The following GRM4 variants were observed in gnomAD, a reference collection of about 807,000 sequenced individuals.
The protein encoded by GRM4 is metabotropic glutamate receptor 4.
In GRM4, 28 loss-of-function variants were observed where a neutral mutation model predicts 81.7. The ratio of observed to expected loss-of-function variants is 0.34; its 90% CI spans 0.25 to 0.47. The LOEUF is 0.47. GRM4 is among the 20% of genes least tolerant of loss of function. The pLI is 1.00. For synonymous variants in GRM4, 488 were observed against 528.8 expected (o/e 0.92, Z 1.06); for missense variants, 948 against 1,290.0 (o/e 0.73, Z 4.06).
intron 2 of GRM4, among the ~76,000 whole-genome samples, chr6:34,127,919 G>A (rs11961715): frequency 0.088 from 13,357 of 152,114 alleles, 1,147 homozygotes; most frequent in African/African-American, 0.22. Flanking sequence ...CTAAGACAGT[G>A]TTCCCCCAGG....
rs1292910706 is a variant in GRM4, at chr6:34,042,227, T to C, written c.1169-1479A>G. Among the ~76,000 whole-genome samples the C allele has an allele frequency of 1.3e-5, 2 of 152,102 alleles. No homozygotes were observed. The highest frequency in any genetic ancestry group is 4.8e-5 in the African/African-American group (2 of 41,422). ...CTTGCAGTGAGCTGAGATTGCACCA[T>C]TGCACTCCAGCCTGAGCGACAGAGT... On this transcript the variant is annotated intron_variant, in intron 6 of 10. Coordinates refer to ENST00000538487, the MANE Select transcript of GRM4 (RefSeq NM_000841.4). The surrounding 1 kb of genome is among the most constrained non-coding windows in gnomAD (Gnocchi z 4.2).
chr6:34,066,133 G>A (rs1206843636), intron 3 of GRM4, among the ~76,000 whole-genome samples: 3 of 152,048 alleles, frequency 2.0e-5, no homozygotes, highest in Non-Finnish European at 2.9e-5. Context: ...AGAACCACAC[G>A]GCAGCGTCTA....
rs1311589332 is a variant in GRM4 at position 34,133,370 on chromosome 6, T to C, written c.127A>G (p.Ile43Val). The change falls in exon 2 of 11, where the codon ATC becomes GTC. Residue 43 changes from isoleucine to valine, a missense_variant. Coordinates refer to ENST00000538487, the MANE Select transcript of GRM4 (RefSeq NM_000841.4). This position sits in a 1 kb window ranked among gnomAD's most constrained non-coding sequence, Gnocchi z 6.5. ...AGTGTGATGTCCCCATCTATGCGGATGGAATTCATGTGAGGGTGGCCTTTG... is the reference window on the plus strand; with the variant it reads ...AGTGTGATGTCCCCATCTATGCGGACGGAATTCATGTGAGGGTGGCCTTTG... ...KPKGHPHMNS[I>V]RIDGDITLGG... 1.2e-6 allele frequency: 2 copies of C among 1,613,802 alleles called. No individual in the cohort carries two copies. The highest frequency in any genetic ancestry group is 1.7e-6 in the Non-Finnish European group (2 of 1,179,974).
Position 34,059,415 on chromosome 6 carries a change from A to C in GRM4, c.873-287T>G. On this transcript the variant is annotated intron_variant, in intron 4 of 10. Transcript: ENST00000538487. This position sits in a 1 kb window ranked among gnomAD's most constrained non-coding sequence, Gnocchi z 5.7. Reference sequence around the variant, plus strand: ...GCCTACATCTGTCCCTGCAAAGACCACACCTCTCCCCTCCAGATCCACACC... The same window carrying C: ...GCCTACATCTGTCCCTGCAAAGACCCCACCTCTCCCCTCCAGATCCACACC... The C allele has an allele frequency of 2.2e-6, 1 of 456,938 alleles. No individual in the cohort carries two copies. Among genetic ancestry groups the C allele is most frequent in the African/African-American group, 2.0e-5 (1 of 50,708 alleles). The allele number at this position is 456,938 out of a possible 1,614,324, so 28.3% of individuals were successfully genotyped here. A position where few individuals can be genotyped will look rare whatever the true frequency, so the allele number is the denominator to read the frequency against.
chr6:34,078,277 C>G lies in GRM4; in HGVS notation c.736+13606G>C, dbSNP rs1310099883. ...CTCCTGCCCACCTTCTGCTTCTTCT[C>G]TGTCTCCCCCCAAATACACACTCTC... is the stretch of plus-strand genomic sequence containing the variant. On this transcript the variant is annotated intron_variant, in intron 3 of 10. Coordinates refer to ENST00000538487, the MANE Select transcript of GRM4 (RefSeq NM_000841.4). This position sits in a 1 kb window ranked among gnomAD's most constrained non-coding sequence, Gnocchi z 4.8. Among the ~76,000 whole-genome samples the G allele has an allele frequency of 2.7e-5, 4 of 150,842 alleles. No homozygotes were observed. Among genetic ancestry groups the G allele is most frequent in the African/African-American group, 9.9e-5 (4 of 40,558 alleles).
At chr6:34,058,076 G>C (rs775788359) in intron 5 of GRM4, among the ~76,000 whole-genome samples, 2 of 152,174 alleles carry the variant, frequency 1.3e-5, no homozygotes, top group African/African-American at 2.4e-5. Context: ...TCCAGAGCCT[G>C]AGTCAGACAT....
chr6:34,117,559 G>A (rs374923812), intron 2 of GRM4, among the ~76,000 whole-genome samples: 16 of 152,218 alleles, frequency 1.1e-4, no homozygotes, highest in Middle Eastern at 6.8e-3. Context: ...GGGGTTTAGG[G>A]GGCTTTCATC....
Position 34,133,654 on chromosome 6 carries a change from CCTT to C in GRM4, c.-161_-159del. ...CCCATGCTGCTACCCTCTCCCACCT[CCTT>C]GTCACTCGGGCCAAGCACAGTTGCC... On this transcript the variant is annotated 5_prime_UTR_variant, in exon 2 of 11. Coordinates refer to ENST00000538487, the MANE Select transcript of GRM4 (RefSeq NM_000841.4). This position sits in a 1 kb window ranked among gnomAD's most constrained non-coding sequence, Gnocchi z 6.5. The C allele has an allele frequency of 7.0e-7, 1 of 1,418,972 alleles. No individual in the cohort carries two copies. The highest frequency in any genetic ancestry group is 9.2e-7 in the Non-Finnish European group (1 of 1,092,334). The allele number at this position is 1,418,972 out of a possible 1,614,324, so 87.9% of individuals were successfully genotyped here.
intron 3 of GRM4, among the ~76,000 whole-genome samples, chr6:34,077,322 C>T (rs1452622143): frequency 6.6e-6 from 1 of 152,124 alleles, no homozygotes; most frequent in African/African-American, 2.4e-5. Context: ...CCCTCTCAGG[C>T]TGGCTCTGGA....
intron 2 of GRM4, among the ~76,000 whole-genome samples, chr6:34,123,377 C>T (rs1308010060): frequency 1.3e-5 from 2 of 152,190 alleles, no homozygotes; most frequent in African/African-American, 4.8e-5. Flanking sequence ...ACTCAGGCCA[C>T]ACCCCTCGAA....
chr6:34,126,230 G>A (rs554560303), intron 2 of GRM4, among the ~76,000 whole-genome samples: 100 of 152,296 alleles, frequency 6.6e-4, no homozygotes, highest in African/African-American at 2.4e-3. Context: ...GTGTGACCTT[G>A]GGCAAGTTGC....
chr6:34,024,760 G>A (rs1266651201), intron 10 of GRM4: 1 of 455,970 alleles, frequency 2.2e-6, no homozygotes, highest in Admixed American at 2.3e-5. Flanking sequence ...CACTTAGCCG[G>A]ATGGTGGTGG....
In GRM4 at chr6:34,021,237, G is replaced by A. The variant is rs1763861388; in HGVS notation, c.*1584C>T. 2 of 152,448 alleles carry A rather than the reference G, an allele frequency of 1.3e-5. No individual in the cohort carries two copies. The highest frequency in any genetic ancestry group is 2.9e-5 in the Non-Finnish European group (2 of 68,218). The allele number at this position is 152,448 out of a possible 1,614,324, so 9.4% of individuals were successfully genotyped here. A position where few individuals can be genotyped will look rare whatever the true frequency, so the allele number is the denominator to read the frequency against. On this transcript the variant is annotated 3_prime_UTR_variant, in exon 11 of 11. Coordinates refer to ENST00000538487, the MANE Select transcript of GRM4 (RefSeq NM_000841.4). This position sits in a 1 kb window ranked among gnomAD's most constrained non-coding sequence, Gnocchi z 5.3. Reference sequence around the variant, plus strand: ...GACAGGCACGCATGCGCATGGAGGCGCTGGACGTGCACACAGACACACAGC... The same window carrying A: ...GACAGGCACGCATGCGCATGGAGGCACTGGACGTGCACACAGACACACAGC...
At chr6:34,135,988 G>C (rs1302990336) in intron 1 of GRM4, among the ~76,000 whole-genome samples, 1 of 152,194 alleles carries the variant, frequency 6.6e-6, no homozygotes, top group Admixed American at 6.5e-5. Context: ...TGTGCAGGCA[G>C]GGGGCAGAGA....
chr6:34,102,156 T>A, intron 2 of GRM4: 1 of 1,535,426 alleles, frequency 6.5e-7, no homozygotes, highest in Middle Eastern at 1.7e-4. Flanking sequence ...GCATTTAAGG[T>A]GTGCAGGGGA....
chr6:34,078,913 G>C lies in GRM4; in HGVS notation c.736+12970C>G, dbSNP rs933913348. Among the ~76,000 whole-genome samples, 7 of 152,218 alleles carry C rather than the reference G, an allele frequency of 4.6e-5. No homozygotes were observed. The highest frequency in any genetic ancestry group is 7.3e-5 in the Non-Finnish European group (5 of 68,048). On this transcript the variant is annotated intron_variant, in intron 3 of 10. Transcript: ENST00000538487. This position sits in a 1 kb window ranked among gnomAD's most constrained non-coding sequence, Gnocchi z 4.8. Reference sequence around the variant, plus strand: ...ACAGATATAATGGGGCAGCATGTAAGTGAGGGAGAGAGGAAAGGACGGTCA... The same window carrying C: ...ACAGATATAATGGGGCAGCATGTAACTGAGGGAGAGAGGAAAGGACGGTCA...
intron 3 of GRM4, among the ~76,000 whole-genome samples, chr6:34,071,941 CACACAT>C (rs1350762952): frequency 5.3e-5 from 8 of 151,646 alleles, no homozygotes; most frequent in Admixed American, 1.3e-4. Context: ...CACACAGACA[CACACAT>C]ATCACCACAC....
At chr6:34,139,001 C>CCT (rs1770574248) in intron 1 of GRM4, among the ~76,000 whole-genome samples, 1 of 152,218 alleles carries the variant, frequency 6.6e-6, no homozygotes, top group Non-Finnish European at 1.5e-5. Flanking sequence ...TTGGAACCTT[C>CCT]AACCCACCCC....
intron 9 of GRM4, among the ~76,000 whole-genome samples, chr6:34,030,735 C>T (rs146886149): frequency 1.3e-5 from 2 of 152,144 alleles, no homozygotes; most frequent in African/African-American, 4.8e-5. Flanking sequence ...TTGTGCTGGG[C>T]GCTGAAAATT....
Sources: allele counts gnomAD v4.1 joint callset (sites outside exome capture counted in the v4.1 genomes callset), GRCh38; gene constraint gnomAD v4.1.1; non-coding constraint Gnocchi (gnomAD v3.1); transcripts MANE v1.5; gene names NCBI Gene and HGNC (gene_info 2026-07-23, HGNC 2026-07-21).